Variants in PCDHA3 observed in about 807,000 individuals in gnomAD.
PCDHA3 encodes the protein protocadherin alpha 3, also known as protocadherin alpha-3.
In PCDHA3, 41 loss-of-function variants were observed where a neutral mutation model predicts 62.2. The ratio of observed to expected loss-of-function variants is 0.66; its 90% confidence interval spans 0.51 to 0.86. The LOEUF (loss-of-function observed/expected upper bound fraction) is 0.86, where lower values mean the gene tolerates loss of function less well. Ranked by LOEUF, PCDHA3 falls within the 40% of genes least tolerant of loss-of-function variation. The pLI, the probability that PCDHA3 is intolerant of heterozygous loss-of-function variation, is 0.00. For synonymous variants in PCDHA3, 640 were observed against 555.4 expected (o/e 1.15, Z -2.14); for missense variants, 1,304 against 1,241.2 (o/e 1.05, Z -0.76).
intron 1 of PCDHA3, chr5:140,927,292 C>A: frequency 6.2e-7 from 1 of 1,614,162 alleles, no homozygotes; most frequent in East Asian, 2.2e-5. Flanking sequence ...GCTGCACATC[C>A]CCGAGTTCCT....
chr5:140,855,827 A>G lies in PCDHA3; in HGVS notation c.2394+52236A>G. 2 of 557,722 alleles carry G rather than the reference A, an allele frequency of 3.6e-6. 1 individual carries two copies. Among genetic ancestry groups the G allele is most frequent in the South Asian group, 5.7e-5 (2 of 35,188 alleles). 34.5% of individuals were successfully genotyped at this position (557,722 alleles called of 1,614,324 possible). A position where few individuals can be genotyped will look rare whatever the true frequency, so the allele number is the denominator to read the frequency against. The stretch of plus-strand genomic sequence containing the variant: ...GAAAGAAAAGTTGTGAACTCATGGA[A>G]TCGTACTTACACCTAAAGCCACCGG... On this transcript the variant is annotated intron_variant, in intron 1 of 3. Coordinates refer to ENST00000522353, the MANE Select transcript of PCDHA3 (RefSeq NM_018906.3).
At chr5:140,900,280 T>G (rs549563825) in intron 1 of PCDHA3, among the ~76,000 whole-genome samples, 1 of 152,182 alleles carries the variant, frequency 6.6e-6, no homozygotes, top group Admixed American at 6.5e-5. Flanking sequence ...TGTACCACAC[T>G]TTCTTTTCTG....
intron 1 of PCDHA3, among the ~76,000 whole-genome samples, chr5:140,910,796 C>T (rs2075173732): frequency 6.6e-6 from 1 of 152,112 alleles, no homozygotes; most frequent in South Asian, 2.1e-4. Flanking sequence ...ATGCAGAATC[C>T]CTGCTTAGTG....
chr5:140,808,679 C>T (rs782098483), intron 1 of PCDHA3: 1 of 1,612,616 alleles, frequency 6.2e-7, no homozygotes, highest in Non-Finnish European at 8.5e-7. Context: ...GGTAGAGCGG[C>T]GGGTAGGGGA....
chr5:140,863,234 G>A (rs782122852), intron 1 of PCDHA3: 1 of 1,250,682 alleles, frequency 8.0e-7, no homozygotes. Flanking sequence ...GTCCCATCGC[G>A]GGCTTTGGCG....
chr5:140,998,681 C>G (rs978884535), intron 3 of PCDHA3, among the ~76,000 whole-genome samples: 42 of 152,038 alleles, frequency 2.8e-4, no homozygotes, highest in Non-Finnish European at 1.6e-4. Context: ...TCTCCTGCCT[C>G]AGCCTCCCAA....
At chr5:140,846,374 T>TTC (rs1554141279) in intron 1 of PCDHA3, among the ~76,000 whole-genome samples, 10 of 30,854 alleles carry the variant, frequency 3.2e-4, no homozygotes, top group African/African-American at 1.1e-3. Context: ...TCTTTCTTTC[T>TTC]TTTTTTTTTT....
intron 1 of PCDHA3, chr5:140,966,927 C>T (rs1434590204): frequency 1.2e-6 from 2 of 1,603,398 alleles, no homozygotes; most frequent in Admixed American, 1.7e-5. Flanking sequence ...GAGCAGGCAC[C>T]CGGCGCGCTC....
chr5:140,842,789 G>T (rs1554139384), intron 1 of PCDHA3: 1 of 1,594,392 alleles, frequency 6.3e-7, no homozygotes, highest in African/African-American at 1.3e-5. Context: ...GAACGCGCTG[G>T]TGTCCTACTC....
At chr5:140,909,747 G>T (rs1554193902) in intron 1 of PCDHA3, among the ~76,000 whole-genome samples, 1 of 152,146 alleles carries the variant, frequency 6.6e-6, no homozygotes, top group East Asian at 1.9e-4. Context: ...CTGGGGAAAT[G>T]ACCACAGGAT....
intron 1 of PCDHA3, chr5:140,869,082 T>A: frequency 6.3e-7 from 1 of 1,582,446 alleles, no homozygotes; most frequent in South Asian, 1.2e-5. Context: ...GAAGCTTATT[T>A]TGGAAGCCAA....
Position 140,883,957 on chromosome 5 carries a change from G to A in PCDHA3, c.2394+80366G>A, listed in dbSNP as rs879988838. ...TGCTGGACGAGAACGACAACGCTCC[G>A]GCGCTGCTGACGCCCGGGGCTGGCA... On this transcript the variant is annotated intron_variant, in intron 1 of 3. Coordinates refer to ENST00000522353, the MANE Select transcript of PCDHA3 (RefSeq NM_018906.3). 10 of 1,613,246 alleles carry A rather than the reference G, an allele frequency of 6.2e-6. No individual in the cohort carries two copies. In the East Asian group the frequency reaches 1.3e-4, roughly 22 times the overall value.
chr5:140,882,737 G>C lies in PCDHA3; in HGVS notation c.2394+79146G>C, dbSNP rs1375859660. The C allele has an allele frequency of 3.7e-6, 6 of 1,614,090 alleles. No homozygotes were observed. In the East Asian group the frequency reaches 1.1e-4, roughly 30 times the overall value. ...GGAAACTCGATTTCCACTAGATGGC[G>C]CATCCGATGCAGATATTGGAGTAAA... On this transcript the variant is annotated intron_variant, in intron 1 of 3. Transcript: ENST00000522353.
chr5:140,969,221 C>T, intron 1 of PCDHA3: 2 of 1,614,158 alleles, frequency 1.2e-6, no homozygotes, highest in Non-Finnish European at 1.7e-6. Context: ...AGGACCAGGG[C>T]CTTCGGGAGC....
rs1458261257 is a variant in PCDHA3, at chr5:140,941,194, TCTTTCTTCCTTTCTTTCTTC to T, written c.2395-37747_2395-37728del. Among the ~76,000 whole-genome samples the T allele has an allele frequency of 1.9e-3, 217 of 112,428 alleles. 2 individuals carry two copies. Among genetic ancestry groups the T allele is most frequent in the African/African-American group, 6.9e-3 (195 of 28,326 alleles). 73.8% of individuals were successfully genotyped at this position (112,428 alleles called of 152,430 possible). A position where few individuals can be genotyped will look rare whatever the true frequency, so the allele number is the denominator to read the frequency against. On this transcript the variant is annotated intron_variant, in intron 1 of 3. Coordinates refer to ENST00000522353, the MANE Select transcript of PCDHA3 (RefSeq NM_018906.3). ...CTTGAACATCCTGCTTCTTTTTTTT[TCTTTCTTCCTTTCTTTCTTC>T]CTTTCTTTCTTTCTTTCTTTCTTTC...
At position 140,835,793 on chromosome 5, in the gene PCDHA3, G is replaced by A. The variant is rs17844310; in HGVS notation, c.2394+32202G>A. The A allele has an allele frequency of 5.6e-5, 90 of 1,613,102 alleles. 1 individual carries two copies. The East Asian group carries it at 1.8e-3, about 33-fold the overall frequency. On this transcript the variant is annotated intron_variant, in intron 1 of 3. Transcript: ENST00000522353. ...TGTTCGTGAAGGAGAACAACCCGCC[G>A]GGCTGCCACATCTTCACTGTGTCGG... is the stretch of plus-strand genomic sequence containing the variant.
At position 140,914,532 on chromosome 5, in the gene PCDHA3, A is replaced by G. The variant is rs1440968686; in HGVS notation, c.2395-64417A>G. ...GTCATGTTTTTTCATCCATTCAGCC[A>G]CTTTATTTCTTTTTATTGGAGAGTT... On this transcript the variant is annotated intron_variant, in intron 1 of 3. Coordinates refer to ENST00000522353, the MANE Select transcript of PCDHA3 (RefSeq NM_018906.3). Among the ~76,000 whole-genome samples the G allele has an allele frequency of 3.3e-5, 5 of 152,070 alleles. 1 individual carries two copies. Among genetic ancestry groups the G allele is most frequent in the Admixed American group, 3.3e-4 (5 of 15,252 alleles).
chr5:141,009,770 A>T lies in PCDHA3; in HGVS notation c.2686A>T (p.Ile896Phe). The part of the protein sequence containing the change: ...DKFIIPGSPA[I>F]ISIRQEPTNS... The stretch of plus-strand genomic sequence containing the variant: ...ATTCATTATCCCAGGATCTCCTGCA[A>T]TCATCTCCATCCGGCAGGAGCCTAC... The change falls in exon 4 of 4, where the codon ATC becomes TTC. Residue 896 changes from isoleucine to phenylalanine, a missense_variant. Transcript: ENST00000522353. 6.2e-7 allele frequency: 1 copy of T among 1,614,160 alleles called. No homozygotes were observed. The highest frequency in any genetic ancestry group is 8.5e-7 in the Non-Finnish European group (1 of 1,180,028).
intron 1 of PCDHA3, among the ~76,000 whole-genome samples, chr5:140,831,505 C>T (rs1412107675): frequency 7.1e-6 from 1 of 140,118 alleles, no homozygotes; most frequent in Non-Finnish European, 1.5e-5. Context: ...ACACGAGCAC[C>T]ACCATGCCCC....
Sources: allele counts gnomAD v4.1 joint callset (sites outside exome capture counted in the v4.1 genomes callset), GRCh38; gene constraint gnomAD v4.1.1; transcripts MANE v1.5; gene names NCBI Gene and HGNC (gene_info 2026-07-23, HGNC 2026-07-21).